PCDH9: variants seen among roughly 807,000 people sequenced by gnomAD.
PCDH9 encodes protocadherin 9, also known as protocadherin-9.
Under a neutral mutation model 70.6 loss-of-function variants are expected in PCDH9, and 24 were observed. That is an observed-to-expected ratio of 0.34 (90% CI 0.25 to 0.48). The LOEUF (loss-of-function observed/expected upper bound fraction) is 0.48, where lower values mean the gene tolerates loss of function less well. Ranked by LOEUF, PCDH9 falls within the 20% of genes least tolerant of loss-of-function variation. PCDH9 has a pLI of 0.99. For synonymous variants in PCDH9, 562 were observed against 558.5 expected, an observed-to-expected ratio of 1.01 and a Z score of -0.09; for missense variants, 1,281 against 1,503.6, an observed-to-expected ratio of 0.85 and a Z score of 2.45.
In PCDH9 at chr13:67,228,535, G is replaced by T; in HGVS notation, c.-95C>A. 1 of 978,232 alleles carries T rather than the reference G, an allele frequency of 1.0e-6. No individual in the cohort carries two copies. Among genetic ancestry groups the T allele is most frequent in the Non-Finnish European group, 1.5e-6 (1 of 666,926 alleles). 60.6% of individuals were successfully genotyped at this position (978,232 alleles called of 1,614,324 possible). A position where few individuals can be genotyped will look rare whatever the true frequency, so the allele number is the denominator to read the frequency against. On this transcript the variant is annotated 5_prime_UTR_variant, in exon 2 of 5. Transcript: ENST00000377865. Reference sequence around the variant, plus strand: ...TTGCAAGAGGAAGCGTGCATGGACTGGAGGATGCATTATATCTCATCACTT... The same window carrying T: ...TTGCAAGAGGAAGCGTGCATGGACTTGAGGATGCATTATATCTCATCACTT...
intron 4 of PCDH9, among the ~76,000 whole-genome samples, chr13:66,623,146 G>A (rs1202664206): frequency 2.0e-5 from 3 of 152,228 alleles, no homozygotes; most frequent in Admixed American, 2.0e-4. Flanking sequence ...GCGAGGGTCC[G>A]CGGCTTCATT....
chr13:67,202,366 G>A (rs900286681), intron 2 of PCDH9: 1 of 152,016 alleles, frequency 6.6e-6, no homozygotes, highest in Non-Finnish European at 1.5e-5. Context: ...AAAGCAATAT[G>A]AGAAAACCTA....
chr13:66,982,954 G>GA (rs1287047299), intron 2 of PCDH9, among the ~76,000 whole-genome samples: 1 of 152,068 alleles, frequency 6.6e-6, no homozygotes, highest in African/African-American at 2.4e-5. Context: ...TGTTATTAGA[G>GA]AAAAAATGTA....
chr13:66,516,000 G>C (rs1959714894), intron 4 of PCDH9, among the ~76,000 whole-genome samples: 1 of 151,916 alleles, frequency 6.6e-6, no homozygotes, highest in South Asian at 2.1e-4. Flanking sequence ...CATTGGCTTT[G>C]CTGTCACTGA....
chr13:66,304,481 C>G lies in PCDH9; in HGVS notation c.*174G>C. 1 of 566,902 alleles carries G rather than the reference C, an allele frequency of 1.8e-6. No individual in the cohort carries two copies. Among genetic ancestry groups the G allele is most frequent in the African/African-American group, 1.9e-5 (1 of 53,448 alleles). 35.1% of individuals were successfully genotyped at this position (566,902 alleles called of 1,614,324 possible). ...AGTAAACAAAATTGCATGGCTAGAA[C>G]TATCTTCTCTCATATGTTGCAAAAA... On this transcript the variant is annotated 3_prime_UTR_variant, in exon 5 of 5. Coordinates refer to ENST00000377865, the MANE Select transcript of PCDH9 (RefSeq NM_203487.3).
intron 2 of PCDH9, among the ~76,000 whole-genome samples, chr13:67,184,927 C>T (rs952611491): frequency 6.6e-6 from 1 of 152,024 alleles, no homozygotes; most frequent in Non-Finnish European, 1.5e-5. Context: ...CCTTTTTGGT[C>T]CTTTCTGTTG....
chr13:66,718,733 AT>A (rs2078903336), intron 3 of PCDH9, among the ~76,000 whole-genome samples: 1 of 152,228 alleles, frequency 6.6e-6, no homozygotes, highest in Non-Finnish European at 1.5e-5. Context: ...ACCAAAAGAA[AT>A]GTTGGTCCCC....
chr13:66,902,977 G>A (rs1478374656), intron 3 of PCDH9, among the ~76,000 whole-genome samples: 1 of 151,540 alleles, frequency 6.6e-6, no homozygotes, highest in Non-Finnish European at 1.5e-5. Context: ...AGAAAGTAAT[G>A]TCTTTCAAGT....
intron 4 of PCDH9, among the ~76,000 whole-genome samples, chr13:66,422,134 T>C (rs538878631): frequency 2.2e-4 from 34 of 152,226 alleles, no homozygotes; most frequent in African/African-American, 7.9e-4. Flanking sequence ...ATGTACCCAA[T>C]ACAGGAGCAC....
At chr13:66,549,163 A>G (rs1190864944) in intron 4 of PCDH9, among the ~76,000 whole-genome samples, 1 of 152,146 alleles carries the variant, frequency 6.6e-6, no homozygotes, top group Non-Finnish European at 1.5e-5. Context: ...CACAAAATAT[A>G]TACATGTGTA....
At chr13:66,936,156 T>C (rs952706900) in intron 2 of PCDH9, among the ~76,000 whole-genome samples, 1 of 152,200 alleles carries the variant, frequency 6.6e-6, no homozygotes, top group Non-Finnish European at 1.5e-5. Context: ...GGGTCAAAAA[T>C]GATACCAGGT....
chr13:66,540,157 G>A (rs1404528002), intron 4 of PCDH9, among the ~76,000 whole-genome samples: 1 of 151,850 alleles, frequency 6.6e-6, no homozygotes, highest in Non-Finnish European at 1.5e-5. Context: ...TTACAAGTGT[G>A]AGCCATTGTT....
intron 2 of PCDH9, among the ~76,000 whole-genome samples, chr13:66,993,859 C>CTGAT (rs1157014138): frequency 6.6e-6 from 1 of 152,026 alleles, no homozygotes; most frequent in Non-Finnish European, 1.5e-5. Flanking sequence ...ATTGGATTTG[C>CTGAT]TGATTGATTG....
At chr13:66,624,523 G>A (rs112582169) in intron 4 of PCDH9, among the ~76,000 whole-genome samples, 2,560 of 152,254 alleles carry the variant, frequency 0.017, 61 homozygotes, top group East Asian at 0.081. Flanking sequence ...GAAGGATAGC[G>A]GTCATGCCCT....
At chr13:66,886,563 C>A (rs2082007466) in intron 3 of PCDH9, among the ~76,000 whole-genome samples, 1 of 152,024 alleles carries the variant, frequency 6.6e-6, no homozygotes. Context: ...GGCATAAGCC[C>A]AATTTGAACA....
At chr13:67,008,959 A>G (rs369616203) in intron 2 of PCDH9, among the ~76,000 whole-genome samples, 4 of 152,300 alleles carry the variant, frequency 2.6e-5, no homozygotes, top group Non-Finnish European at 1.5e-5. Flanking sequence ...AACACATTCT[A>G]TCAACTGTAT....
chr13:66,316,398 T>C (rs1390998390), intron 4 of PCDH9, among the ~76,000 whole-genome samples: 2 of 152,174 alleles, frequency 1.3e-5, no homozygotes, highest in African/African-American at 2.4e-5. Context: ...CAATCACACC[T>C]GGGTGAAAGC....
chr13:67,014,950 C>G (rs946719145), intron 2 of PCDH9, among the ~76,000 whole-genome samples: 6 of 151,976 alleles, frequency 3.9e-5, no homozygotes, highest in Non-Finnish European at 7.4e-5. Flanking sequence ...CTAAAATAAC[C>G]ACTGCCTCCC....
chr13:66,759,129 T>C (rs2079582980), intron 3 of PCDH9, among the ~76,000 whole-genome samples: 2 of 152,086 alleles, frequency 1.3e-5, no homozygotes, highest in Admixed American at 6.6e-5. Flanking sequence ...TCTCTGATCT[T>C]TACTGCTATC....
Sources: allele counts gnomAD v4.1 joint callset (sites outside exome capture counted in the v4.1 genomes callset), GRCh38; gene constraint gnomAD v4.1.1; transcripts MANE v1.5; gene names NCBI Gene and HGNC (gene_info 2026-07-23, HGNC 2026-07-21).